Variants in CACNA2D3 observed in about 807,000 individuals in gnomAD.
CACNA2D3 encodes the protein voltage-dependent calcium channel subunit alpha-2/delta-3.
Under a neutral mutation model 160.6 loss-of-function variants are expected in CACNA2D3, and 60 were observed. The observed-to-expected ratio is 0.37, with a 90% CI of 0.30 to 0.46. The LOEUF (loss-of-function observed/expected upper bound fraction) is 0.46. CACNA2D3 is among the 20% of genes least tolerant of loss of function. The pLI is 1.00. For missense variants in CACNA2D3, 1,205 were observed against 1,365.0 expected (o/e 0.88, Z 1.85); for synonymous variants, 558 against 492.9 (o/e 1.13, Z -1.75).
intron 11 of CACNA2D3, among the ~76,000 whole-genome samples, chr3:54,678,051 G>A (rs1700275824): frequency 6.6e-6 from 1 of 152,126 alleles, no homozygotes. Context: ...GTGGTAGATG[G>A]GTCTTGTTTT....
At chr3:54,645,157 G>A (rs1699610199) in intron 11 of CACNA2D3, among the ~76,000 whole-genome samples, 1 of 152,168 alleles carries the variant, frequency 6.6e-6, no homozygotes, top group Non-Finnish European at 1.5e-5. Context: ...TGGCAGAAGG[G>A]GAAGCAGGCA....
At chr3:55,060,201 C>G (rs573254287) in intron 35 of CACNA2D3, among the ~76,000 whole-genome samples, 275 of 152,176 alleles carry the variant, frequency 1.8e-3, no homozygotes, top group African/African-American at 6.2e-3. Context: ...CCAGATCATA[C>G]CTATTAAACC....
intron 2 of CACNA2D3, among the ~76,000 whole-genome samples, chr3:54,148,803 C>T (rs184217738): frequency 1.7e-4 from 26 of 151,820 alleles, no homozygotes; most frequent in African/African-American, 5.6e-4. Context: ...ATGGTGAAAC[C>T]CCATCTCTAC....
chr3:54,869,412 G>A (rs1472272034), intron 17 of CACNA2D3, among the ~76,000 whole-genome samples: 1 of 152,130 alleles, frequency 6.6e-6, no homozygotes, highest in Admixed American at 6.5e-5. Context: ...AAAGAGTGAA[G>A]CACTGTTTAA....
At chr3:54,261,618 A>G (rs537173844) in intron 2 of CACNA2D3, among the ~76,000 whole-genome samples, 68 of 152,312 alleles carry the variant, frequency 4.5e-4, no homozygotes, top group African/African-American at 1.5e-3. Flanking sequence ...TGGGTGGAAG[A>G]ACACTAAAAT....
chr3:54,347,661 A>C (rs183643028), intron 3 of CACNA2D3, among the ~76,000 whole-genome samples: 40 of 152,140 alleles, frequency 2.6e-4, no homozygotes, highest in African/African-American at 7.7e-4. Flanking sequence ...GACTTAAAAA[A>C]AAAAAACAAA....
intron 11 of CACNA2D3, among the ~76,000 whole-genome samples, chr3:54,658,522 G>T (rs1699913090): frequency 6.6e-6 from 1 of 152,064 alleles, no homozygotes; most frequent in South Asian, 2.1e-4. Context: ...TTAAAATCAG[G>T]TTATTTGTTT....
At chr3:54,912,376 C>G (rs1357928203) in intron 27 of CACNA2D3, among the ~76,000 whole-genome samples, 4 of 152,134 alleles carry the variant, frequency 2.6e-5, no homozygotes, top group Non-Finnish European at 5.9e-5. Flanking sequence ...CCTAAAAGCA[C>G]CTGCCACAAC....
chr3:54,440,502 A>G (rs953402869), intron 4 of CACNA2D3, among the ~76,000 whole-genome samples: 4 of 152,120 alleles, frequency 2.6e-5, no homozygotes, highest in African/African-American at 2.4e-5. Context: ...TATTTTTATT[A>G]TACTTTAAGT....
At chr3:54,508,817 G>A (rs1701412381) in intron 5 of CACNA2D3, among the ~76,000 whole-genome samples, 1 of 152,286 alleles carries the variant, frequency 6.6e-6, no homozygotes, top group East Asian at 1.9e-4. Context: ...TCAGGGTCCA[G>A]CCCCTGAAAA....
intron 4 of CACNA2D3, among the ~76,000 whole-genome samples, chr3:54,464,131 A>G (rs1448225670): frequency 6.6e-6 from 1 of 152,106 alleles, no homozygotes; most frequent in Non-Finnish European, 1.5e-5. Context: ...TTCCTCTGGA[A>G]GTTTTGTCTC....
At chr3:54,918,839 C>G in intron 27 of CACNA2D3, 1 of 1,585,676 alleles carries the variant, frequency 6.3e-7, no homozygotes, top group Non-Finnish European at 8.6e-7. Context: ...CTAAGGAGGT[C>G]CTTTCCCTTC....
chr3:54,594,224 G>T (rs1022038793), intron 9 of CACNA2D3, among the ~76,000 whole-genome samples: 1 of 152,090 alleles, frequency 6.6e-6, no homozygotes, highest in Non-Finnish European at 1.5e-5. Flanking sequence ...GGCTTCGTGG[G>T]CCATACAATT....
At chr3:54,570,940 A>T (rs2106721055) in intron 8 of CACNA2D3, among the ~76,000 whole-genome samples, 1 of 152,292 alleles carries the variant, frequency 6.6e-6, no homozygotes, top group East Asian at 1.9e-4. Flanking sequence ...AGCCCTCAGG[A>T]GGTCCTAAGA....
intron 34 of CACNA2D3, among the ~76,000 whole-genome samples, chr3:55,016,229 A>G (rs1440624937): frequency 6.6e-6 from 1 of 152,178 alleles, no homozygotes; most frequent in Non-Finnish European, 1.5e-5. Context: ...TCTACCAAAA[A>G]GTGATGGTTC....
At chr3:54,946,513 C>A (rs1701618690) in intron 27 of CACNA2D3, among the ~76,000 whole-genome samples, 1 of 152,084 alleles carries the variant, frequency 6.6e-6, no homozygotes, top group Admixed American at 6.5e-5. Context: ...CCGTTAGCAG[C>A]AGGAAAGAAG....
intron 3 of CACNA2D3, among the ~76,000 whole-genome samples, chr3:54,333,617 C>T (rs552979144): frequency 3.5e-4 from 53 of 152,112 alleles, no homozygotes; most frequent in African/African-American, 9.9e-4. Flanking sequence ...GAGAGTGAAG[C>T]CCCCGGGGCA....
rs1699438747 is a variant in CACNA2D3 at position 54,867,872 on chromosome 3, A to G, written c.1627-3667A>G. Among the ~76,000 whole-genome samples, 3 of 152,216 alleles carry G rather than the reference A, an allele frequency of 2.0e-5. No individual in the cohort carries two copies. In the South Asian group the frequency reaches 6.2e-4, roughly 32 times the overall value. On this transcript the variant is annotated intron_variant, in intron 17 of 37. Transcript: ENST00000474759. The stretch of plus-strand genomic sequence containing the variant: ...ATGTACCCACCTCTGAACCAGTGAC[A>G]TCCTGGAGCGATGTGGGCCTCCCCC...
intron 2 of CACNA2D3, among the ~76,000 whole-genome samples, chr3:54,156,101 C>A (rs553237729): frequency 6.6e-6 from 1 of 152,284 alleles, no homozygotes; most frequent in South Asian, 2.1e-4. Flanking sequence ...ACCCTTCAGT[C>A]TTCAAATTGC....
Sources: gnomAD v4.1 joint callset for allele counts (sites outside exome capture counted in the v4.1 genomes callset) on GRCh38, gnomAD v4.1.1 for gene constraint, MANE v1.5 for transcripts, NCBI Gene and HGNC (gene_info 2026-07-23, HGNC 2026-07-21) for gene names.